The following ACVR1 variants were observed in gnomAD, a reference collection of about 807,000 sequenced individuals.
ACVR1 encodes the protein activin A receptor type 1.
Under a neutral mutation model 57.1 loss-of-function variants are expected in ACVR1, and 38 were observed. The ratio of observed to expected loss-of-function variants is 0.67; its 90% CI spans 0.51 to 0.87. The LOEUF (loss-of-function observed/expected upper bound fraction) is 0.87. Ranked by LOEUF, ACVR1 falls within the 40% of genes least tolerant of loss-of-function variation. The probability of loss-of-function intolerance (pLI) is 0.00; values close to 1 mark genes in which losing one functional copy is unlikely to be tolerated. For missense variants in ACVR1, 463 were observed against 638.2 expected, an observed-to-expected ratio of 0.73 and a Z score of 2.96; for synonymous variants, 212 against 228.1, an observed-to-expected ratio of 0.93 and a Z score of 0.63.
At chr2:157,837,407 G>A (rs16842143) in intron 1 of ACVR1, among the ~76,000 whole-genome samples, 2,617 of 152,250 alleles carry the variant, frequency 0.017, 80 homozygotes, top group African/African-American at 0.06. Flanking sequence ...ACGGGTTCAG[G>A]AAGTACATAT....
intron 1 of ACVR1, among the ~76,000 whole-genome samples, chr2:157,844,090 T>C (rs1278770734): frequency 6.6e-6 from 1 of 152,200 alleles, no homozygotes; most frequent in Non-Finnish European, 1.5e-5. Flanking sequence ...GGCCCTGTCA[T>C]GCAGAAGACA....
At chr2:157,778,396 T>A in intron 4 of ACVR1, 54 bp from the exon 5 acceptor site, 1 of 1,425,012 alleles carries the variant, frequency 7.0e-7, no homozygotes, top group East Asian at 2.3e-5. Flanking sequence ...GCTTACTTAT[T>A]ATTAGCATAA....
At chr2:157,831,776 T>A (rs913718806) in intron 1 of ACVR1, among the ~76,000 whole-genome samples, 1 of 152,180 alleles carries the variant, frequency 6.6e-6, no homozygotes, top group African/African-American at 2.4e-5. Context: ...TCTACTCCAA[T>A]AATGTTAGCT....
At chr2:157,817,539 T>C (rs1443495915) in intron 2 of ACVR1, among the ~76,000 whole-genome samples, 1 of 152,180 alleles carries the variant, frequency 6.6e-6, no homozygotes, top group Non-Finnish European at 1.5e-5. Flanking sequence ...CTTTGGGTGA[T>C]AATGATATGT....
At chr2:157,858,386 C>T (rs759271238) in intron 1 of ACVR1, among the ~76,000 whole-genome samples, 8 of 152,152 alleles carry the variant, frequency 5.3e-5, no homozygotes, top group African/African-American at 7.2e-5. Flanking sequence ...TGAACTTTAC[C>T]GCCTCCTGTA....
In ACVR1 at chr2:157,780,220, CCT is replaced by C. The variant is rs926485379; in HGVS notation, c.331+115_331+116del. On this transcript the variant is annotated intron_variant, in intron 4 of 10. Transcript: ENST00000434821. Reference sequence around the variant, plus strand: ...GGGTGACCTTCCTTGTAGCTCTTCGCCTCTGATTCAAAATGTAGGTGGAATGC... The same window carrying C: ...GGGTGACCTTCCTTGTAGCTCTTCGCCTGATTCAAAATGTAGGTGGAATGC... 6 of 1,451,392 alleles carry C rather than the reference CCT, an allele frequency of 4.1e-6. No homozygotes were observed. In the African/African-American group the frequency reaches 8.4e-5, roughly 20 times the overall value. The allele number at this position is 1,451,392 out of a possible 1,614,324, so 89.9% of individuals were successfully genotyped here. A position where few individuals can be genotyped will look rare whatever the true frequency, so the allele number is the denominator to read the frequency against.
At chr2:157,744,730 T>C (rs1009288765) in intron 9 of ACVR1, among the ~76,000 whole-genome samples, 1 of 152,190 alleles carries the variant, frequency 6.6e-6, no homozygotes, top group Admixed American at 6.5e-5. Flanking sequence ...TCACCTAACA[T>C]ACCTCACAAG....
intron 10 of ACVR1, 137 bp downstream of exon 10, chr2:157,738,303 C>T: frequency 7.5e-7 from 1 of 1,341,016 alleles, no homozygotes; most frequent in East Asian, 2.3e-5. Flanking sequence ...GATCTAAACC[C>T]TTCTATATAA....
At chr2:157,772,232 T>G (rs1442053393) in intron 6 of ACVR1, among the ~76,000 whole-genome samples, 1 of 152,212 alleles carries the variant, frequency 6.6e-6, no homozygotes, top group Admixed American at 6.5e-5. Context: ...AAAGCAGAGC[T>G]GCCCAAAAGC....
chr2:157,744,729 A>C (rs1684900332), intron 9 of ACVR1, among the ~76,000 whole-genome samples: 1 of 152,234 alleles, frequency 6.6e-6, no homozygotes, highest in African/African-American at 2.4e-5. Context: ...TTCACCTAAC[A>C]TACCTCACAA....
intron 2 of ACVR1, among the ~76,000 whole-genome samples, chr2:157,814,125 T>G (rs1481427343): frequency 2.6e-5 from 4 of 152,202 alleles, no homozygotes; most frequent in African/African-American, 9.6e-5. Context: ...AATTGTTGCT[T>G]GAATAAATTG....
chr2:157,747,446 T>C (rs1419342119), intron 9 of ACVR1, among the ~76,000 whole-genome samples: 2 of 151,976 alleles, frequency 1.3e-5, no homozygotes, highest in Non-Finnish European at 2.9e-5. Flanking sequence ...AATATGGAAA[T>C]GGTTAAGCTA....
intron 6 of ACVR1, among the ~76,000 whole-genome samples, chr2:157,772,334 A>G (rs1267622301): frequency 6.6e-6 from 1 of 152,100 alleles, no homozygotes; most frequent in Non-Finnish European, 1.5e-5. Context: ...CCCCTAACCC[A>G]ACTTCCCATG....
chr2:157,840,039 CCAAT>C (rs1688926365), intron 1 of ACVR1, among the ~76,000 whole-genome samples: 1 of 152,150 alleles, frequency 6.6e-6, no homozygotes, highest in South Asian at 2.1e-4. Context: ...CTGAGCCCAC[CCAAT>C]CAGAGTGACT....
Position 157,736,794 on chromosome 2 carries a change from T to C in ACVR1, c.*737A>G. On this transcript the variant is annotated 3_prime_UTR_variant, in exon 11 of 11. Transcript: ENST00000434821. Reference sequence around the variant, plus strand: ...TTTTAGAGTATAGTGTTAAAAACATTTCTGTAATAAAATCATAAGACCACA... The same window carrying C: ...TTTTAGAGTATAGTGTTAAAAACATCTCTGTAATAAAATCATAAGACCACA... The C allele has an allele frequency of 2.9e-6, 1 of 345,324 alleles. No individual in the cohort carries two copies. The highest frequency in any genetic ancestry group is 5.3e-6 in the Non-Finnish European group (1 of 188,390). 21.4% of individuals were successfully genotyped at this position (345,324 alleles called of 1,614,324 possible). A position where few individuals can be genotyped will look rare whatever the true frequency, so the allele number is the denominator to read the frequency against.
At position 157,780,698 on chromosome 2, in the gene ACVR1, T is replaced by C; in HGVS notation, c.68-98A>G. 2.1e-6 allele frequency: 3 copies of C among 1,438,798 alleles called. No individual in the cohort carries two copies. In the South Asian group the frequency reaches 3.8e-5, roughly 18 times the overall value. The allele number at this position is 1,438,798 out of a possible 1,614,324, so 89.1% of individuals were successfully genotyped here. A position where few individuals can be genotyped will look rare whatever the true frequency, so the allele number is the denominator to read the frequency against. ...GGAATGACCATTCCAAACACCTCTA[T>C]CAACAGAAAGTCAAGCTAAGCATCA... On this transcript the variant is annotated intron_variant, in intron 3 of 10. Coordinates refer to ENST00000434821, the MANE Select transcript of ACVR1 (RefSeq NM_001111067.4).
At chr2:157,805,298 T>G (rs1411824062) in intron 2 of ACVR1, among the ~76,000 whole-genome samples, 2 of 152,194 alleles carry the variant, frequency 1.3e-5, no homozygotes, top group Non-Finnish European at 2.9e-5. Context: ...GTGAGTACCT[T>G]CATTCAATAA....
intron 1 of ACVR1, among the ~76,000 whole-genome samples, chr2:157,865,082 G>A (rs557879208): frequency 2.5e-5 from 3 of 118,734 alleles, no homozygotes; most frequent in Middle Eastern, 6.2e-3. Flanking sequence ...GTTCTTTATA[G>A]ACTCAAACTT....
At chr2:157,825,551 A>T (rs188502062) in intron 1 of ACVR1, among the ~76,000 whole-genome samples, 15 of 152,268 alleles carry the variant, frequency 9.9e-5, no homozygotes, top group Admixed American at 4.6e-4. Flanking sequence ...GCAGCATTAG[A>T]TTCTCAGTGG....
Sources: gnomAD v4.1 joint callset for allele counts (sites outside exome capture counted in the v4.1 genomes callset) on GRCh38, gnomAD v4.1.1 for gene constraint, MANE v1.5 for transcripts, NCBI Gene and HGNC (gene_info 2026-07-23, HGNC 2026-07-21) for gene names.